CLDN16: variants seen among roughly 807,000 people sequenced by gnomAD.
The protein encoded by CLDN16 is claudin-16.
In CLDN16, 13 loss-of-function variants were observed where a neutral mutation model predicts 24.6. That is an observed-to-expected ratio of 0.53 (90% CI 0.34 to 0.84). The LOEUF (loss-of-function observed/expected upper bound fraction) is 0.84. CLDN16 is among the 40% of genes least tolerant of loss of function. The probability of loss-of-function intolerance (pLI) is 0.01; values close to 1 mark genes in which losing one functional copy is unlikely to be tolerated. For synonymous variants in CLDN16, 116 were observed against 106.7 expected, an observed-to-expected ratio of 1.09 and a Z score of -0.54; for missense variants, 298 against 292.7, an observed-to-expected ratio of 1.02 and a Z score of -0.13.
intron 1 of CLDN16, among the ~76,000 whole-genome samples, chr3:190,327,061 A>T (rs1717079228): frequency 6.6e-6 from 1 of 152,132 alleles, no homozygotes; most frequent in South Asian, 2.1e-4. Flanking sequence ...GAGAGGAGAG[A>T]GAGAGAGAGG....
At chr3:190,333,160 G>A (rs533023123) in intron 1 of CLDN16, among the ~76,000 whole-genome samples, 7 of 152,176 alleles carry the variant, frequency 4.6e-5, no homozygotes, top group African/African-American at 1.4e-4. Flanking sequence ...TAGCATGTGC[G>A]TTATGCGGTA....
At chr3:190,396,126 A>C (rs1275143823) in intron 1 of CLDN16, among the ~76,000 whole-genome samples, 2 of 152,178 alleles carry the variant, frequency 1.3e-5, no homozygotes, top group African/African-American at 2.4e-5. Context: ...TTAATGGGAG[A>C]CTGCTATAGA....
In CLDN16 at chr3:190,323,025, C is replaced by CACACACACACACACACACAA. The variant is rs559057976; in HGVS notation, n.121+367_121+368insCACACACACACACACAAACA. On this transcript the variant is annotated intron_variant and non_coding_transcript_variant, in intron 1 of 4. Transcript: ENST00000468220. Reference sequence around the variant, plus strand: ...ATTTACACACACACACACACACACACACAGACACACTCACGCACGGAGCAT... The same window carrying CACACACACACACACACACAA: ...ATTTACACACACACACACACACACACACACACACACACACACACAAACAGACACACTCACGCACGGAGCAT... 5.3e-5 allele frequency among the ~76,000 whole-genome samples: 8 copies of CACACACACACACACACACAA among 151,416 alleles called. 1 individual carries two copies. The highest frequency in any genetic ancestry group is 2.0e-4 in the African/African-American group (8 of 40,932).
intron 1 of CLDN16, among the ~76,000 whole-genome samples, chr3:190,340,602 G>C (rs909734143): frequency 8.5e-5 from 13 of 152,118 alleles, no homozygotes; most frequent in African/African-American, 2.9e-4. Flanking sequence ...TGAGATTTGG[G>C]TGGGGACACA....
At chr3:190,323,380 T>C (rs1339340035) in intron 1 of CLDN16, among the ~76,000 whole-genome samples, 1 of 152,186 alleles carries the variant, frequency 6.6e-6, no homozygotes, top group Non-Finnish European at 1.5e-5. Flanking sequence ...TGAGGAAGTC[T>C]GGGCTCTGGT....
chr3:190,332,803 A>G (rs1375117210), intron 1 of CLDN16, among the ~76,000 whole-genome samples: 1 of 151,228 alleles, frequency 6.6e-6, no homozygotes, highest in African/African-American at 2.4e-5. Context: ...AAGACATACT[A>G]TGGCTTAAGA....
chr3:190,338,068 G>T (rs113501379), intron 1 of CLDN16, among the ~76,000 whole-genome samples: 18 of 152,052 alleles, frequency 1.2e-4, no homozygotes, highest in Non-Finnish European at 2.4e-4. Context: ...GTGCCAGGGT[G>T]CCCAGTAGGT....
chr3:190,302,847 T>C, the CLDN16 span, among the ~76,000 whole-genome samples: 1 of 150,896 alleles, frequency 6.6e-6, no homozygotes, highest in Non-Finnish European at 1.5e-5. Flanking sequence ...GGTAAGAGTA[T>C]ATTACCATAT....
intron 1 of CLDN16, among the ~76,000 whole-genome samples, chr3:190,341,942 G>A (rs111378241): frequency 0.039 from 5,959 of 152,190 alleles, 390 homozygotes; most frequent in African/African-American, 0.13. Flanking sequence ...CATAACAAGA[G>A]TCACCTTTGC....
At chr3:190,323,022 AC>A (rs1560077776) in intron 1 of CLDN16, among the ~76,000 whole-genome samples, 196 of 150,344 alleles carry the variant, frequency 1.3e-3, no homozygotes, top group African/African-American at 4.4e-3. Context: ...ACACACACAC[AC>A]ACACAGACAC....
intron 1 of CLDN16, among the ~76,000 whole-genome samples, chr3:190,358,831 T>G (rs1331716468): frequency 6.6e-6 from 1 of 152,050 alleles, no homozygotes; most frequent in Non-Finnish European, 1.5e-5. Flanking sequence ...CTTCCCATTG[T>G]TACCCTTGGA....
chr3:190,383,045 T>G (rs971629066), intron 3 of CLDN16, among the ~76,000 whole-genome samples: 8 of 152,090 alleles, frequency 5.3e-5, no homozygotes, highest in Non-Finnish European at 1.2e-4. Flanking sequence ...TTTTACTGAA[T>G]CCACTAGACA....
At chr3:190,326,936 A>G (rs1025602773) in intron 1 of CLDN16, among the ~76,000 whole-genome samples, 2 of 152,224 alleles carry the variant, frequency 1.3e-5, no homozygotes, top group African/African-American at 2.4e-5. Flanking sequence ...TTGAACAAGA[A>G]TCAAGGTCAA....
intron 1 of CLDN16, among the ~76,000 whole-genome samples, chr3:190,342,405 G>A (rs902244948): frequency 6.6e-6 from 1 of 152,016 alleles, no homozygotes; most frequent in Non-Finnish European, 1.5e-5. Flanking sequence ...AAAATCTGTG[G>A]GATTTATATA....
At chr3:190,311,496 T>C in the CLDN16 span, among the ~76,000 whole-genome samples, 1 of 152,086 alleles carries the variant, frequency 6.6e-6, no homozygotes, top group Non-Finnish European at 1.5e-5. Context: ...CATATTATAC[T>C]GAAGCAAAAG....
chr3:190,376,856 T>C (rs1321795034), intron 3 of CLDN16, among the ~76,000 whole-genome samples: 1 of 152,000 alleles, frequency 6.6e-6, no homozygotes, highest in East Asian at 1.9e-4. Flanking sequence ...GGTAATTCAA[T>C]TTTAAGAAAT....
At chr3:190,346,554 C>T (rs1020853778) in intron 1 of CLDN16, among the ~76,000 whole-genome samples, 42 of 152,260 alleles carry the variant, frequency 2.8e-4, no homozygotes, top group African/African-American at 9.6e-4. Flanking sequence ...GTATTCTTTA[C>T]AACAACTATA....
the CLDN16 span, chr3:190,312,904 G>A: frequency 3.7e-6 from 6 of 1,614,156 alleles, no homozygotes; most frequent in Non-Finnish European, 5.1e-6. Flanking sequence ...CCCAATGACA[G>A]CCATCCTCAT....
upstream of CLDN16, among the ~76,000 whole-genome samples, chr3:190,386,801 C>T (rs556431863): frequency 1.3e-5 from 2 of 152,082 alleles, no homozygotes; most frequent in Admixed American, 6.6e-5. Flanking sequence ...TTTAAATTTA[C>T]GTTTTATATA....
Sources: gnomAD v4.1 joint callset for allele counts (sites outside exome capture counted in the v4.1 genomes callset) on GRCh38, gnomAD v4.1.1 for gene constraint, MANE v1.5 for transcripts, NCBI Gene and HGNC (gene_info 2026-07-23, HGNC 2026-07-21) for gene names.